The following ZNF778 variants were observed in gnomAD, a reference collection of about 807,000 sequenced individuals.
ZNF778 encodes zinc finger protein 778.
In ZNF778, 37 loss-of-function variants were observed where a neutral mutation model predicts 23.9. The observed-to-expected ratio is 1.54, with a 90% CI of 1.19 to 2.03. The LOEUF (loss-of-function observed/expected upper bound fraction) is 2.03. ZNF778 is among the 30% of genes most tolerant of loss of function. ZNF778 has a pLI of 0.00. For synonymous variants in ZNF778, 483 were observed against 343.9 expected (o/e 1.40, Z -4.48); for missense variants, 1,297 against 934.4 (o/e 1.39, Z -5.06).
rs563325143 is a variant in ZNF778 at position 89,219,687 on chromosome 16, G to C, written c.-131-1310G>C. Among the ~76,000 whole-genome samples the C allele has an allele frequency of 2.0e-5, 3 of 152,366 alleles. No individual in the cohort carries two copies. The South Asian group carries it at 6.2e-4, about 32-fold the overall frequency. On this transcript the variant is annotated intron_variant, in intron 1 of 6. Coordinates refer to ENST00000433976, the MANE Select transcript of ZNF778 (RefSeq NM_001201407.2). ...GACGCTGTGTCAGTGGGTCTGCTGG[G>C]TCCTTTCCACCAAGTGCCTAAGAAG... is the stretch of plus-strand genomic sequence containing the variant.
chr16:89,227,307 A>G lies in ZNF778; in HGVS notation c.1019A>G (p.Lys340Arg). 1.2e-6 allele frequency: 2 copies of G among 1,613,914 alleles called. No individual in the cohort carries two copies. The highest frequency in any genetic ancestry group is 1.3e-5 in the African/African-American group (1 of 75,048). Reference protein sequence around the residue: ...IHAAEKPCECKECGKAFTGLS... With the variant: ...IHAAEKPCECRECGKAFTGLS... ...GCTGCAGAGAAACCCTGTGAATGTA[A>G]AGAATGCGGAAAAGCCTTCACTGGA... The change falls in exon 7 of 7, where the codon AAA (lysine) becomes AGA (arginine). Residue 340 changes from lysine to arginine, a missense_variant. Transcript: ENST00000433976.
At chr16:89,219,579 A>C (rs1480791247) in intron 1 of ZNF778, among the ~76,000 whole-genome samples, 1 of 152,182 alleles carries the variant, frequency 6.6e-6, no homozygotes, top group Non-Finnish European at 1.5e-5. Context: ...GAGGGTGTAG[A>C]TTTACTCTGA....
Position 89,227,154 on chromosome 16 carries a change from C to T in ZNF778, c.866C>T (p.Ala289Val). 1.2e-6 allele frequency: 2 copies of T among 1,613,994 alleles called. No homozygotes were observed. Among genetic ancestry groups the T allele is most frequent in the Non-Finnish European group, 1.7e-6 (2 of 1,179,892 alleles). The stretch of plus-strand genomic sequence containing the variant: ...CACGTATGTAGGGAATGTGGGAAGG[C>T]CTTTAGGTACACTGCCTACCTTACT... ...NPHVCRECGKAFRYTAYLTGR... is the reference protein window; with the variant it reads ...NPHVCRECGKVFRYTAYLTGR... The change falls in exon 7 of 7, where the codon GCC (alanine) becomes GTC (valine). Residue 289 changes from alanine to valine, a missense_variant. Coordinates refer to ENST00000433976, the MANE Select transcript of ZNF778 (RefSeq NM_001201407.2).
At chr16:89,223,416 TG>T (rs1429651495) in intron 4 of ZNF778, 133 bp downstream of exon 4, 2 of 1,266,614 alleles carry the variant, frequency 1.6e-6, no homozygotes, top group Non-Finnish European at 2.2e-6. Flanking sequence ...CTAGTAGGCT[TG>T]GTGCTAGTGT....
chr16:89,224,771 G>C lies in ZNF778; in HGVS notation c.297G>C (p.Glu99Asp). ...TCTATTGGCTGGAGCAGGAAGAGGAGTTGAGGGCAGGGCGGAGAGCAGTTC... is the reference window on the plus strand; with the variant it reads ...TCTATTGGCTGGAGCAGGAAGAGGACTTGAGGGCAGGGCGGAGAGCAGTTC... ...SVIYWLEQEE[E>D]LRAGRRAVLQ... The change falls in exon 5 of 7, where the codon GAG becomes GAC. Residue 99 changes from glutamate (E) to aspartate (D), a missense_variant. Coordinates refer to ENST00000433976, the MANE Select transcript of ZNF778 (RefSeq NM_001201407.2). 6.5e-7 allele frequency: 1 copy of C among 1,527,508 alleles called. No homozygotes were observed. The highest frequency in any genetic ancestry group is 8.7e-7 in the Non-Finnish European group (1 of 1,144,026). The allele number at this position is 1,527,508 out of a possible 1,614,324, so 94.6% of individuals were successfully genotyped here. A position where few individuals can be genotyped will look rare whatever the true frequency, so the allele number is the denominator to read the frequency against.
intron 3 of ZNF778, 46 bp downstream of exon 3, chr16:89,222,229 A>T: frequency 6.9e-7 from 1 of 1,455,166 alleles, no homozygotes; most frequent in Non-Finnish European, 9.5e-7. Flanking sequence ...ACTGGTATTC[A>T]GCAGATAGAC....
Position 89,229,167 on chromosome 16 carries a change from A to G in ZNF778, c.*605A>G, listed in dbSNP as rs534164801. On this transcript the variant is annotated 3_prime_UTR_variant, in exon 7 of 7. Transcript: ENST00000433976. ...CAGTGTCCACGTCGCAGCCTGGCTAACAGTAGGCCTTGAGGACTCAGATGT... is the reference window on the plus strand; with the variant it reads ...CAGTGTCCACGTCGCAGCCTGGCTAGCAGTAGGCCTTGAGGACTCAGATGT... 1.1e-5 allele frequency: 11 copies of G among 985,974 alleles called. No homozygotes were observed. The Admixed American group carries it at 1.8e-4, about 16-fold the overall frequency. The allele number at this position is 985,974 out of a possible 1,614,324, so 61.1% of individuals were successfully genotyped here. A position where few individuals can be genotyped will look rare whatever the true frequency, so the allele number is the denominator to read the frequency against.
Position 89,228,737 on chromosome 16 carries a change from C to T in ZNF778, c.*175C>T. 4.2e-6 allele frequency: 6 copies of T among 1,416,486 alleles called. No homozygotes were observed. The highest frequency in any genetic ancestry group is 5.5e-6 in the Non-Finnish European group (6 of 1,090,136). The allele number at this position is 1,416,486 out of a possible 1,614,324, so 87.7% of individuals were successfully genotyped here. On this transcript the variant is annotated 3_prime_UTR_variant, in exon 7 of 7. Transcript: ENST00000433976. ...CCTATGCAGCAGACACAGAGAAAGCCCTCAGTGTTCTCTAAGGTCTTGCTG... is the reference window on the plus strand; with the variant it reads ...CCTATGCAGCAGACACAGAGAAAGCTCTCAGTGTTCTCTAAGGTCTTGCTG...
In ZNF778 at chr16:89,233,777, C is replaced by A. The variant is rs575847070; in HGVS notation, c.*5215C>A. 1 of 1,262,574 alleles carries A rather than the reference C, an allele frequency of 7.9e-7. No homozygotes were observed. Among genetic ancestry groups the A allele is most frequent in the South Asian group, 1.3e-5 (1 of 79,016 alleles). The allele number at this position is 1,262,574 out of a possible 1,614,324, so 78.2% of individuals were successfully genotyped here. A position where few individuals can be genotyped will look rare whatever the true frequency, so the allele number is the denominator to read the frequency against. ...CTCGCACTGCGTATGCAACTCAACT[C>A]GCACTGCGTATGCAACTCAGCTCGC... On this transcript the variant is annotated 3_prime_UTR_variant, in exon 7 of 7. Transcript: ENST00000433976.
intron 2 of ZNF778, 101 bp from the exon 3 acceptor site, chr16:89,221,991 G>A (rs146691295): frequency 2.5e-5 from 19 of 745,196 alleles, no homozygotes; most frequent in Admixed American, 1.9e-4. Context: ...GCAGGAGTAC[G>A]TGATAATTTC....
At chr16:89,220,476 T>G (rs1018171270) in intron 1 of ZNF778, among the ~76,000 whole-genome samples, 1 of 152,082 alleles carries the variant, frequency 6.6e-6, no homozygotes, top group African/African-American at 2.4e-5. Flanking sequence ...GCTAACATGG[T>G]GAAACCCCAC....
In ZNF778 at chr16:89,227,632, A is replaced by G. The variant is rs552034419; in HGVS notation, c.1344A>G (p.Pro448=). 1.3e-5 allele frequency: 21 copies of G among 1,613,892 alleles called. No homozygotes were observed. In the East Asian group the frequency reaches 3.3e-4, roughly 26 times the overall value. Residue 448 remains proline, a synonymous_variant, in exon 7 of 7, where the codon CCA becomes CCG. Transcript: ENST00000433976. ...RHVRTHTGEK[P]YTCKDCGKAF... ...TACGAACACACACGGGCGAGAAGCC[A>G]TACACGTGTAAGGACTGCGGGAAAG...
chr16:89,227,675 G>C lies in ZNF778; in HGVS notation c.1387G>C (p.Gly463Arg). ...DCGKAFCTSSGLTEHVRTHTG... is the reference protein window; with the variant it reads ...DCGKAFCTSSRLTEHVRTHTG... ...CGGGAAAGCCTTCTGTACATCCTCG[G>C]GCCTTACTGAGCATGTAAGGACTCA... The change falls in exon 7 of 7, where the codon GGC (glycine) becomes CGC (arginine). Residue 463 changes from glycine to arginine, a missense_variant. Transcript: ENST00000433976. The C allele has an allele frequency of 6.2e-7, 1 of 1,613,956 alleles. No individual in the cohort carries two copies. Among genetic ancestry groups the C allele is most frequent in the Middle Eastern group, 1.6e-4 (1 of 6,062 alleles).
chr16:89,232,094 C>G lies in ZNF778; in HGVS notation c.*3532C>G, dbSNP rs1047252896. On this transcript the variant is annotated 3_prime_UTR_variant, in exon 7 of 7. Transcript: ENST00000433976. ...TCAAGTCTCATGTTGAGCTTTGACC[C>G]TCAGTGTGGCAGTGCTGGGAGGGGG... The G allele has an allele frequency of 1.3e-5, 2 of 157,670 alleles. No individual in the cohort carries two copies. The highest frequency in any genetic ancestry group is 4.8e-5 in the African/African-American group (2 of 41,430). The allele number at this position is 157,670 out of a possible 1,614,324, so 9.8% of individuals were successfully genotyped here.
chr16:89,225,916 CTT>C (rs11400876), intron 6 of ZNF778, among the ~76,000 whole-genome samples: 3 of 145,436 alleles, frequency 2.1e-5, no homozygotes, highest in Admixed American at 6.9e-5. Flanking sequence ...GTGCAGGATT[CTT>C]TTTTTTTTTT....
chr16:89,225,972 C>T (rs946713155), intron 6 of ZNF778, among the ~76,000 whole-genome samples: 1 of 150,550 alleles, frequency 6.6e-6, no homozygotes, highest in African/African-American at 2.4e-5. Flanking sequence ...AGCGCAGTGG[C>T]ACGATCTTGG....
Position 89,229,611 on chromosome 16 carries a change from A to T in ZNF778, c.*1049A>T, listed in dbSNP as rs1055273681. ...TGGTTGGTTAGTCTTGAGGATCCAG[A>T]TGTGATTCTGTGAGCAGCGTAGGCT... On this transcript the variant is annotated 3_prime_UTR_variant, in exon 7 of 7. Coordinates refer to ENST00000433976, the MANE Select transcript of ZNF778 (RefSeq NM_001201407.2). The T allele has an allele frequency of 1.0e-6, 1 of 984,258 alleles. No individual in the cohort carries two copies. Among genetic ancestry groups the T allele is most frequent in the Non-Finnish European group, 1.2e-6 (1 of 829,876 alleles). The allele number at this position is 984,258 out of a possible 1,614,324, so 61.0% of individuals were successfully genotyped here. A position where few individuals can be genotyped will look rare whatever the true frequency, so the allele number is the denominator to read the frequency against.
intron 1 of ZNF778, among the ~76,000 whole-genome samples, chr16:89,219,698 C>T (rs530638470): frequency 6.6e-6 from 1 of 152,254 alleles, no homozygotes; most frequent in East Asian, 1.9e-4. Context: ...TCCTTTCCAC[C>T]AAGTGCCTAA....
At position 89,233,595 on chromosome 16, in the gene ZNF778, A is replaced by C. The variant is rs1166980278; in HGVS notation, c.*5033A>C. 8.9e-7 allele frequency: 1 copy of C among 1,127,358 alleles called. No homozygotes were observed. The highest frequency in any genetic ancestry group is 1.2e-6 in the Non-Finnish European group (1 of 864,812). 69.8% of individuals were successfully genotyped at this position (1,127,358 alleles called of 1,614,324 possible). ...TCGCACTGCATATGCAACGCAACTC[A>C]ACTCATACTGCATATGCAACTCAAC... On this transcript the variant is annotated 3_prime_UTR_variant, in exon 7 of 7. Coordinates refer to ENST00000433976, the MANE Select transcript of ZNF778 (RefSeq NM_001201407.2).
Sources: allele counts gnomAD v4.1 joint callset (sites outside exome capture counted in the v4.1 genomes callset), GRCh38; gene constraint gnomAD v4.1.1; transcripts MANE v1.5; gene names NCBI Gene and HGNC (gene_info 2026-07-23, HGNC 2026-07-21).